PKP4: variants seen among roughly 807,000 people sequenced by gnomAD.
PKP4 encodes the protein plakophilin 4, also known as plakophilin-4.
PKP4 carries 90 observed loss-of-function variants against 145.1 expected under a neutral mutation model. The observed-to-expected ratio is 0.62, with a 90% CI of 0.52 to 0.74. The LOEUF (loss-of-function observed/expected upper bound fraction) is 0.74. PKP4 is among the 30% of genes least tolerant of loss of function. PKP4 has a pLI of 0.00. For missense variants in PKP4, 1,340 were observed against 1,482.7 expected, an observed-to-expected ratio of 0.90 and a Z score of 1.58; for synonymous variants, 563 against 577.2, an observed-to-expected ratio of 0.98 and a Z score of 0.35.
chr2:158,620,955 A>G, intron 4 of PKP4, 35 bp from the exon 5 acceptor site: 1 of 1,591,196 alleles, frequency 6.3e-7, no homozygotes, highest in Non-Finnish European at 8.6e-7. Flanking sequence ...ATGTAATGTT[A>G]TTATATTTAG....
At chr2:158,644,013 G>A (rs562137984) in intron 11 of PKP4, among the ~76,000 whole-genome samples, 3 of 152,224 alleles carry the variant, frequency 2.0e-5, no homozygotes, top group Non-Finnish European at 4.4e-5. Context: ...TGATCCGCCC[G>A]CCTCAGCCTC....
chr2:158,679,658 C>G (rs1450484012), intron 21 of PKP4, among the ~76,000 whole-genome samples: 2 of 152,178 alleles, frequency 1.3e-5, no homozygotes, highest in African/African-American at 4.8e-5. Flanking sequence ...AGTGTGAGGT[C>G]AAAGCTAAGA....
intron 1 of PKP4, among the ~76,000 whole-genome samples, chr2:158,477,418 C>A (rs1692657611): frequency 6.6e-6 from 1 of 152,152 alleles, no homozygotes; most frequent in Non-Finnish European, 1.5e-5. Context: ...GCCAACTCAG[C>A]TGGAGGTGTG....
chr2:158,526,115 T>A (rs2042909184), intron 1 of PKP4, among the ~76,000 whole-genome samples: 2 of 149,778 alleles, frequency 1.3e-5, no homozygotes. Context: ...AAAGAGGGAA[T>A]CCTCCCTAAC....
chr2:158,507,727 A>G (rs1464183524), intron 1 of PKP4, among the ~76,000 whole-genome samples: 1 of 152,158 alleles, frequency 6.6e-6, no homozygotes, highest in African/African-American at 2.4e-5. Flanking sequence ...CACACATTTC[A>G]AAAGAACCAA....
intron 1 of PKP4, among the ~76,000 whole-genome samples, chr2:158,506,142 A>G (rs2040955508): frequency 6.6e-6 from 1 of 152,172 alleles, no homozygotes; most frequent in African/African-American, 2.4e-5. Context: ...TGAACATGGC[A>G]ATTGAAAGAT....
intron 1 of PKP4, among the ~76,000 whole-genome samples, chr2:158,507,094 T>C (rs569971374): frequency 9.2e-5 from 14 of 152,378 alleles, no homozygotes; most frequent in Admixed American, 8.5e-4. Flanking sequence ...GTTCTTTCTT[T>C]TGCTTTGAAG....
intron 3 of PKP4, among the ~76,000 whole-genome samples, chr2:158,601,364 T>C (rs2105845725): frequency 6.6e-6 from 1 of 152,314 alleles, no homozygotes; most frequent in Admixed American, 6.5e-5. Flanking sequence ...AATATTGACA[T>C]AAAATATGAT....
chr2:158,464,173 A>G (rs1452832672), intron 1 of PKP4, among the ~76,000 whole-genome samples: 1 of 152,244 alleles, frequency 6.6e-6, no homozygotes, highest in African/African-American at 2.4e-5. Flanking sequence ...TTACTTGCTC[A>G]GATGGTTTGA....
intron 1 of PKP4, among the ~76,000 whole-genome samples, chr2:158,461,765 A>G (rs948266749): frequency 6.6e-6 from 1 of 151,494 alleles, no homozygotes; most frequent in Non-Finnish European, 1.5e-5. Context: ...AGTTGCAAAT[A>G]TTTAATGGTG....
At chr2:158,621,883 A>G (rs1448433990) in intron 6 of PKP4, among the ~76,000 whole-genome samples, 2 of 152,132 alleles carry the variant, frequency 1.3e-5, no homozygotes, top group East Asian at 3.8e-4. Context: ...ATTCTATTTG[A>G]GATACAATGT....
intron 1 of PKP4, among the ~76,000 whole-genome samples, chr2:158,490,593 A>C (rs1412343085): frequency 6.6e-6 from 1 of 152,226 alleles, no homozygotes; most frequent in Non-Finnish European, 1.5e-5. Context: ...AGTTGGGATA[A>C]GCAGGCATTT....
intron 1 of PKP4, among the ~76,000 whole-genome samples, chr2:158,517,911 G>C (rs57377138): frequency 6.6e-6 from 1 of 150,692 alleles, no homozygotes; most frequent in Non-Finnish European, 1.5e-5. Context: ...GCGAGACCCT[G>C]TCTCAAAAAA....
At chr2:158,609,245 T>A (rs992125608) in intron 4 of PKP4, among the ~76,000 whole-genome samples, 1 of 152,218 alleles carries the variant, frequency 6.6e-6, no homozygotes, top group Non-Finnish European at 1.5e-5. Flanking sequence ...TCTTTGCTGC[T>A]TTGACTGCAA....
chr2:158,575,807 T>C (rs62182729), intron 2 of PKP4, among the ~76,000 whole-genome samples: 1 of 151,576 alleles, frequency 6.6e-6, no homozygotes, highest in East Asian at 1.9e-4. Context: ...AAAAACAAAA[T>C]GATGCTGTTT....
chr2:158,657,901 C>T (rs988531335), intron 11 of PKP4, among the ~76,000 whole-genome samples: 1 of 152,090 alleles, frequency 6.6e-6, no homozygotes, highest in Non-Finnish European at 1.5e-5. Context: ...GTATAATATT[C>T]ACCCTCTAAA....
chr2:158,534,692 A>G (rs2043881729), intron 2 of PKP4, among the ~76,000 whole-genome samples: 1 of 152,232 alleles, frequency 6.6e-6, no homozygotes, highest in Non-Finnish European at 1.5e-5. Context: ...CGTGCAGTAA[A>G]CATAGCAATG....
chr2:158,673,900 C>T lies in PKP4; in HGVS notation c.3027C>T (p.Asn1009=). 1 of 1,608,518 alleles carries T rather than the reference C, an allele frequency of 6.2e-7. No homozygotes were observed. Among genetic ancestry groups the T allele is most frequent in the African/African-American group, 1.3e-5 (1 of 74,918 alleles). ...CTCTGCAGGATGGGTGGAATCAGAA[C>T]CATTTTATTACACCTGTGTCGACAT... ...SIYKKDGWNQ[N]HFITPVSTLE... Residue 1009 remains asparagine, a synonymous_variant, in exon 19 of 22, where the codon AAC becomes AAT. Transcript: ENST00000389759.
At chr2:158,556,187 A>C (rs577445805) in intron 2 of PKP4, among the ~76,000 whole-genome samples, 33 of 152,366 alleles carry the variant, frequency 2.2e-4, no homozygotes, top group African/African-American at 7.2e-4. Context: ...GCTACAAACA[A>C]ACACATCTCA....
Sources: allele counts gnomAD v4.1 joint callset (sites outside exome capture counted in the v4.1 genomes callset), GRCh38; gene constraint gnomAD v4.1.1; transcripts MANE v1.5; gene names NCBI Gene and HGNC (gene_info 2026-07-23, HGNC 2026-07-21).